The following KCNG1 variants were observed in gnomAD, a reference collection of about 807,000 sequenced individuals.
KCNG1 encodes voltage-gated potassium channel regulatory subunit KCNG1.
KCNG1 carries 17 observed loss-of-function variants against 32.4 expected under a neutral mutation model. That is an observed-to-expected ratio of 0.52 (90% CI 0.36 to 0.79). The LOEUF is 0.79. Among genes scored for constraint, KCNG1 ranks in the 30% least tolerant of loss-of-function variants. The pLI is 0.00. For missense variants in KCNG1, 441 were observed against 735.2 expected (o/e 0.60, Z 4.63); for synonymous variants, 358 against 339.9 (o/e 1.05, Z -0.59).
At chr20:51,008,328 T>TA (rs1347307936) in intron 2 of KCNG1, among the ~76,000 whole-genome samples, 5 of 151,952 alleles carry the variant, frequency 3.3e-5, no homozygotes, top group Non-Finnish European at 7.4e-5. Flanking sequence ...CTCACAATTT[T>TA]TAAAAAAATT....
chr20:51,022,446 G>C (rs1159146942), intron 1 of KCNG1, among the ~76,000 whole-genome samples: 1 of 152,066 alleles, frequency 6.6e-6, no homozygotes, highest in Non-Finnish European at 1.5e-5. Context: ...GGGTGAAGGG[G>C]GGCTCCATAC....
chr20:51,022,010 C>T (rs1253674541), intron 1 of KCNG1, among the ~76,000 whole-genome samples: 1 of 152,172 alleles, frequency 6.6e-6, no homozygotes, highest in East Asian at 1.9e-4. Flanking sequence ...TACAGTTGGC[C>T]ACCCCGGCAG....
At chr20:51,010,884 G>T (rs1026646237) in intron 1 of KCNG1, among the ~76,000 whole-genome samples, 2 of 149,584 alleles carry the variant, frequency 1.3e-5, no homozygotes, top group African/African-American at 5.0e-5. Flanking sequence ...GACAGAGCAA[G>T]ACTCCATCTC....
intron 1 of KCNG1, among the ~76,000 whole-genome samples, chr20:51,010,767 C>T (rs1988055086): frequency 1.3e-5 from 2 of 152,028 alleles, no homozygotes. Context: ...TGGTGGCGTG[C>T]ACCTGTAATC....
At chr20:51,017,385 A>G (rs1988318660) in intron 1 of KCNG1, among the ~76,000 whole-genome samples, 1 of 152,248 alleles carries the variant, frequency 6.6e-6, no homozygotes, top group Admixed American at 6.5e-5. Flanking sequence ...TCTCAAGCAC[A>G]TGTGAGGATC....
rs1406708634 is a variant in KCNG1 at position 51,010,173 on chromosome 20, A to T, written c.166T>A (p.Cys56Ser). 1 of 1,606,826 alleles carries T rather than the reference A, an allele frequency of 6.2e-7. No individual in the cohort carries two copies. Among genetic ancestry groups the T allele is most frequent in the East Asian group, 2.2e-5 (1 of 44,784 alleles). ...LRPQDEPRQG[C>S]QPEDRRRRII... is the part of the protein sequence containing the mutation. The stretch of plus-strand genomic sequence containing the variant: ...CGACGGCGGCGGTCCTCGGGCTGAC[A>T]GCCCTGGCGGGGCTCATCCTGCGGC... Residue 56 changes from cysteine to serine, a missense_variant, in exon 2 of 3, where the codon TGT becomes AGT. Cys to Ser is a moderately radical substitution (Grantham distance 112). Transcript: ENST00000371571.
chr20:51,017,151 G>A (rs1002504157), intron 1 of KCNG1, among the ~76,000 whole-genome samples: 3 of 152,174 alleles, frequency 2.0e-5, no homozygotes, highest in African/African-American at 7.2e-5. Context: ...GGTACCAGGA[G>A]GTCCCCTAGC....
chr20:51,011,693 G>A (rs986053376), intron 1 of KCNG1, among the ~76,000 whole-genome samples: 2 of 152,216 alleles, frequency 1.3e-5, no homozygotes, highest in African/African-American at 4.8e-5. Flanking sequence ...AATGGGTACA[G>A]CCACGTGATT....
At chr20:51,022,709 C>T (rs1988526213) in intron 1 of KCNG1, 161 bp downstream of exon 1, 2 of 152,314 alleles carry the variant, frequency 1.3e-5, no homozygotes, top group East Asian at 1.9e-4. Flanking sequence ...ACTCCCGAGT[C>T]CTCTGTCGCC....
At position 51,015,928 on chromosome 20, in the gene KCNG1, G is replaced by A. The variant is rs1341809345; in HGVS notation, c.-26-5564C>T. Among the ~76,000 whole-genome samples the A allele has an allele frequency of 6.6e-6, 1 of 152,210 alleles. No homozygotes were observed. Among genetic ancestry groups the A allele is most frequent in the Non-Finnish European group, 1.5e-5 (1 of 68,052 alleles). On this transcript the variant is annotated intron_variant, in intron 1 of 2. Coordinates refer to ENST00000371571, the MANE Select transcript of KCNG1 (RefSeq NM_002237.4). This position sits in a 1 kb window ranked among gnomAD's most constrained non-coding sequence, Gnocchi z 4.4. ...CTGCTGGCTTTGAAGATGGAGGAAGGGGCCATGAATCAAGGAATGCAGGTG... is the reference window on the plus strand; with the variant it reads ...CTGCTGGCTTTGAAGATGGAGGAAGAGGCCATGAATCAAGGAATGCAGGTG...
Position 51,004,900 on chromosome 20 carries a change from G to C in KCNG1, c.775-94C>G. 2 of 1,339,418 alleles carry C rather than the reference G, an allele frequency of 1.5e-6. No individual in the cohort carries two copies. Among genetic ancestry groups the C allele is most frequent in the Non-Finnish European group, 9.9e-7 (1 of 1,006,180 alleles). 83.0% of individuals were successfully genotyped at this position (1,339,418 alleles called of 1,614,324 possible). On this transcript the variant is annotated intron_variant, in intron 2 of 2. Coordinates refer to ENST00000371571, the MANE Select transcript of KCNG1 (RefSeq NM_002237.4). This position sits in a 1 kb window ranked among gnomAD's most constrained non-coding sequence, Gnocchi z 4.3. Reference sequence around the variant, plus strand: ...CCCTGTGCCCTGCTGGGCTTCCCAGGCGGAAGGTGACCTCTCCAGGTTGAG... The same window carrying C: ...CCCTGTGCCCTGCTGGGCTTCCCAGCCGGAAGGTGACCTCTCCAGGTTGAG...
In KCNG1 at chr20:51,005,622, T is replaced by A. The variant is rs1174344022; in HGVS notation, c.775-816A>T. On this transcript the variant is annotated intron_variant, in intron 2 of 2. Transcript: ENST00000371571. The surrounding 1 kb of genome is among the most constrained non-coding windows in gnomAD (Gnocchi z 4.0). ...TGTTGATTTAAGTCCTGGTGATAAT[T>A]CAGTGCAAAGAAATACTCTATGGGC... 6.6e-6 allele frequency: 1 copy of A among 152,232 alleles called. No individual in the cohort carries two copies. Among genetic ancestry groups the A allele is most frequent in the Non-Finnish European group, 1.5e-5 (1 of 68,048 alleles). The allele number at this position is 152,232 out of a possible 1,614,324, so 9.4% of individuals were successfully genotyped here.
intron 1 of KCNG1, among the ~76,000 whole-genome samples, chr20:51,014,338 C>T (rs929853573): frequency 5.3e-5 from 8 of 152,222 alleles, no homozygotes; most frequent in Non-Finnish European, 8.8e-5. Flanking sequence ...GGCCCCAAAG[C>T]CTGGCCTTCT....
Position 51,003,936 on chromosome 20 carries a change from C to G in KCNG1, c.*103G>C. ...GGGTGCGTGGGAGTCGGTGCTGCGC[C>G]AGGACTGCACTCGGAAGCGGCCTGT... On this transcript the variant is annotated 3_prime_UTR_variant, in exon 3 of 3. Transcript: ENST00000371571. 7.4e-7 allele frequency: 1 copy of G among 1,343,326 alleles called. No homozygotes were observed. Among genetic ancestry groups the G allele is most frequent in the Non-Finnish European group, 1.0e-6 (1 of 977,666 alleles). The allele number at this position is 1,343,326 out of a possible 1,614,324, so 83.2% of individuals were successfully genotyped here.
At chr20:51,007,912 A>G (rs1354265293) in intron 2 of KCNG1, 4 of 151,654 alleles carry the variant, frequency 2.6e-5, no homozygotes, top group Non-Finnish European at 5.9e-5. Flanking sequence ...TTATTAATGC[A>G]ACAGCTACTG....
rs4811110 is a variant in KCNG1 at position 51,004,862 on chromosome 20, G to T, written c.775-56C>A. The stretch of plus-strand genomic sequence containing the variant: ...GTCAGCGGGCCCTCCAGGAAAGGAG[G>T]GCAGAAGCTCTGCCCTGTGCCCTGC... On this transcript the variant is annotated intron_variant, in intron 2 of 2. Transcript: ENST00000371571. The surrounding 1 kb of genome is among the most constrained non-coding windows in gnomAD (Gnocchi z 4.3). 3.6e-5 allele frequency: 53 copies of T among 1,457,414 alleles called. No homozygotes were observed. Among genetic ancestry groups the T allele is most frequent in the Non-Finnish European group, 4.4e-5 (48 of 1,096,958 alleles). The allele number at this position is 1,457,414 out of a possible 1,614,324, so 90.3% of individuals were successfully genotyped here.
chr20:51,020,817 C>A (rs1452624259), intron 1 of KCNG1, among the ~76,000 whole-genome samples: 2 of 152,146 alleles, frequency 1.3e-5, no homozygotes, highest in Non-Finnish European at 2.9e-5. Flanking sequence ...GCCCTGCATC[C>A]AGCACACATC....
At position 51,009,900 on chromosome 20, in the gene KCNG1, A is replaced by G; in HGVS notation, c.439T>C (p.Phe147Leu). 6.2e-7 allele frequency: 1 copy of G among 1,613,604 alleles called. No individual in the cohort carries two copies. The highest frequency in any genetic ancestry group is 8.5e-7 in the Non-Finnish European group (1 of 1,179,960). Reference sequence around the variant, plus strand: ...CCCCAGTACAGCAGCTCCTCCTGGAAGGACAGCGCGCACATCTCGCGCAGC... The same window carrying G: ...CCCCAGTACAGCAGCTCCTCCTGGAGGGACAGCGCGCACATCTCGCGCAGC... ...RLLREMCALS[F>L]QEELLYWGIA... Residue 147 changes from phenylalanine to leucine, a missense_variant, in exon 2 of 3, where the codon TTC (phenylalanine) becomes CTC (leucine). Phe to Leu is a conservative substitution (Grantham distance 22). Transcript: ENST00000371571.
chr20:51,004,276 G>T lies in KCNG1; in HGVS notation c.1305C>A (p.Thr435=). ...VGYGDMVPRS[T]PGQVVALSSI... is the part of the protein sequence containing the mutation. Reference sequence around the variant, plus strand: ...TGCTCAGGGCCACTACCTGGCCCGGGGTGCTCCTGGGGACCATGTCGCCAT... The same window carrying T: ...TGCTCAGGGCCACTACCTGGCCCGGTGTGCTCCTGGGGACCATGTCGCCAT... Residue 435 remains threonine, a synonymous_variant, in exon 3 of 3, where the codon ACC becomes ACA. Coordinates refer to ENST00000371571, the MANE Select transcript of KCNG1 (RefSeq NM_002237.4). This position sits in a 1 kb window ranked among gnomAD's most constrained non-coding sequence, Gnocchi z 4.3. The T allele has an allele frequency of 1.2e-6, 2 of 1,613,490 alleles. No individual in the cohort carries two copies. Among genetic ancestry groups the T allele is most frequent in the Non-Finnish European group, 8.5e-7 (1 of 1,179,480 alleles).
Sources: gnomAD v4.1 joint callset for allele counts (sites outside exome capture counted in the v4.1 genomes callset) on GRCh38, gnomAD v4.1.1 for gene constraint, Gnocchi (gnomAD v3.1) non-coding constraint, MANE v1.5 for transcripts, NCBI Gene and HGNC (gene_info 2026-07-23, HGNC 2026-07-21) for gene names.